The following PTPRA variants were observed in gnomAD, a reference collection of about 807,000 sequenced individuals.
The protein encoded by PTPRA is protein tyrosine phosphatase receptor type A.
PTPRA carries 25 observed loss-of-function variants against 104.8 expected under a neutral mutation model. The ratio of observed to expected loss-of-function variants is 0.24; its 90% CI spans 0.17 to 0.33. The LOEUF is 0.33. Ranked by LOEUF, PTPRA falls within the 10% of genes least tolerant of loss-of-function variation. The probability of loss-of-function intolerance (pLI) is 1.00; values close to 1 mark genes in which losing one functional copy is unlikely to be tolerated. For synonymous variants in PTPRA, 323 were observed against 368.9 expected (o/e 0.88, Z 1.43); for missense variants, 765 against 1,015.3 (o/e 0.75, Z 3.35).
chr20:3,007,446 A>C (rs539378532), intron 11 of PTPRA, 26 bp downstream of exon 11: 2 of 1,597,800 alleles, frequency 1.3e-6, no homozygotes, highest in East Asian at 4.5e-5. Flanking sequence ...TTTCCCTGTC[A>C]CTTCCCTGCC....
chr20:3,021,073 T>C (rs1374482832), intron 13 of PTPRA, among the ~76,000 whole-genome samples: 1 of 152,126 alleles, frequency 6.6e-6, no homozygotes, highest in Non-Finnish European at 1.5e-5. Context: ...TTGAGAAGTA[T>C]GGGGCTAGGG....
At chr20:2,979,698 GTGTTTGTT>G (rs57293794) in intron 6 of PTPRA, among the ~76,000 whole-genome samples, 1 of 151,486 alleles carries the variant, frequency 6.6e-6, no homozygotes, top group South Asian at 2.1e-4. Flanking sequence ...AGCTAATCAG[GTGTTTGTT>G]TGTTTGTTTG....
At chr20:2,987,368 T>C (rs1294158998) in intron 7 of PTPRA, among the ~76,000 whole-genome samples, 1 of 151,856 alleles carries the variant, frequency 6.6e-6, no homozygotes, top group Non-Finnish European at 1.5e-5. Context: ...TTCAGGGTCC[T>C]CTAGACGTTA....
intron 1 of PTPRA, among the ~76,000 whole-genome samples, chr20:2,881,439 A>T (rs1010759589): frequency 6.6e-6 from 1 of 152,082 alleles, no homozygotes; most frequent in African/African-American, 2.4e-5. Context: ...TTTTGCAGTG[A>T]TGTTTAAAGA....
chr20:3,003,102 C>A (rs890197194), intron 9 of PTPRA, among the ~76,000 whole-genome samples: 1 of 152,196 alleles, frequency 6.6e-6, no homozygotes, highest in African/African-American at 2.4e-5. Context: ...GCATTCTGTT[C>A]TTTGATTGCA....
At chr20:2,868,618 CTTTTTTTTTTTTTTT>C (rs56081198), upstream of PTPRA, among the ~76,000 whole-genome samples, 85 of 45,220 alleles carry the variant, frequency 1.9e-3, no homozygotes, top group South Asian at 0.027. Flanking sequence ...TCATTCTGGG[CTTTTTTTTTTTTTTT>C]TTTTTTTTTT....
chr20:2,932,102 G>C (rs2060527786), intron 2 of PTPRA, among the ~76,000 whole-genome samples: 1 of 152,176 alleles, frequency 6.6e-6, no homozygotes, highest in African/African-American at 2.4e-5. Context: ...AGCTAAAATT[G>C]AGTAGTCATT....
chr20:3,022,792 C>T lies in PTPRA; in HGVS notation c.1432C>T (p.Arg478Trp), dbSNP rs1306040900. ...CGTGTATGGCTTTGTGAGCCGGATCCGGGCACAGCGCTGCCAGATGGTGCA... is the reference window on the plus strand; with the variant it reads ...CGTGTATGGCTTTGTGAGCCGGATCTGGGCACAGCGCTGCCAGATGGTGCA... ...VDVYGFVSRI[R>W]AQRCQMVQTD... Residue 478 changes from arginine (R) to tryptophan (W), a missense_variant, in exon 16 of 24, where the codon CGG (arginine) becomes TGG (tryptophan). Arg to Trp is a moderately radical substitution (Grantham distance 101). This residue lies in a region of PTPRA where 245 missense variants were observed against 398.7 expected (regional missense o/e 0.61). Coordinates refer to ENST00000399903, the MANE Select transcript of PTPRA (RefSeq NM_001385305.1). This position sits in a 1 kb window ranked among gnomAD's most constrained non-coding sequence, Gnocchi z 4.6. 5 of 1,614,036 alleles carry T rather than the reference C, an allele frequency of 3.1e-6. No homozygotes were observed. Among genetic ancestry groups the T allele is most frequent in the East Asian group, 2.2e-5 (1 of 44,894 alleles).
intron 5 of PTPRA, among the ~76,000 whole-genome samples, chr20:2,974,175 C>T (rs988044134): frequency 6.6e-6 from 1 of 151,688 alleles, no homozygotes; most frequent in Non-Finnish European, 1.5e-5. Flanking sequence ...AGGATGGTCT[C>T]ATTCTCCTGA....
At chr20:3,012,341 G>A (rs1428040234) in intron 11 of PTPRA, among the ~76,000 whole-genome samples, 1 of 152,248 alleles carries the variant, frequency 6.6e-6, no homozygotes, top group Non-Finnish European at 1.5e-5. Context: ...TGACAAGGAA[G>A]CGGCGACAAA....
chr20:2,919,494 T>A (rs185206984), intron 1 of PTPRA, among the ~76,000 whole-genome samples: 238 of 152,330 alleles, frequency 1.6e-3, no homozygotes, highest in Middle Eastern at 3.4e-3. Context: ...ACTGGACACT[T>A]TGCTAGGCTC....
chr20:2,917,513 G>A (rs533327176), intron 1 of PTPRA, among the ~76,000 whole-genome samples: 4 of 152,140 alleles, frequency 2.6e-5, no homozygotes, highest in African/African-American at 7.2e-5. Flanking sequence ...CACACTTCCA[G>A]CCTTAGCTTT....
intron 9 of PTPRA, among the ~76,000 whole-genome samples, chr20:2,998,756 C>T (rs2063505015): frequency 1.3e-5 from 2 of 151,926 alleles, no homozygotes; most frequent in Admixed American, 6.6e-5. Context: ...CAGACCTGTA[C>T]TGGAGATCTA....
chr20:3,020,985 A>C (rs919646789), intron 13 of PTPRA, among the ~76,000 whole-genome samples: 3 of 152,212 alleles, frequency 2.0e-5, no homozygotes, highest in African/African-American at 7.2e-5. Context: ...CATGACCTGA[A>C]ATGTTGTGAA....
chr20:2,949,626 A>T (rs1359484723), intron 3 of PTPRA, among the ~76,000 whole-genome samples: 1 of 151,786 alleles, frequency 6.6e-6, no homozygotes, highest in Non-Finnish European at 1.5e-5. Context: ...CAGACTTTTC[A>T]TACAATACTG....
chr20:2,904,250 A>T (rs2059336253), intron 1 of PTPRA, among the ~76,000 whole-genome samples: 1 of 152,134 alleles, frequency 6.6e-6, no homozygotes, highest in Admixed American at 6.5e-5. Context: ...GTTAAGTGCT[A>T]CACTAGCAGA....
chr20:2,899,355 T>C (rs746520407), intron 1 of PTPRA, among the ~76,000 whole-genome samples: 1 of 152,214 alleles, frequency 6.6e-6, no homozygotes, highest in Non-Finnish European at 1.5e-5. Flanking sequence ...ACAGTTCTTC[T>C]GAAACAGCAG....
At chr20:3,010,073 C>T (rs2064084543) in intron 11 of PTPRA, among the ~76,000 whole-genome samples, 2 of 151,996 alleles carry the variant, frequency 1.3e-5, no homozygotes, top group South Asian at 4.1e-4. Flanking sequence ...TGGTCTTGAA[C>T]TCTGAGCCTC....
At chr20:3,012,186 G>T (rs1319089571) in intron 11 of PTPRA, among the ~76,000 whole-genome samples, 3 of 152,128 alleles carry the variant, frequency 2.0e-5, no homozygotes, top group African/African-American at 7.2e-5. Flanking sequence ...TCTAGGCCGT[G>T]GGGTACCATT....
Sources: gnomAD v4.1 joint callset for allele counts (sites outside exome capture counted in the v4.1 genomes callset) on GRCh38, gnomAD v4.1.1 for gene constraint, gnomAD v4.1.1 regional missense constraint, Gnocchi (gnomAD v3.1) non-coding constraint, MANE v1.5 for transcripts, NCBI Gene and HGNC (gene_info 2026-07-23, HGNC 2026-07-21) for gene names.